RAB3C: variants seen among roughly 807,000 people sequenced by gnomAD.
RAB3C encodes ras-related protein Rab-3C.
In RAB3C, 17 loss-of-function variants were observed where a neutral mutation model predicts 26.4. That is an observed-to-expected ratio of 0.64 (90% CI 0.44 to 0.97). The LOEUF (loss-of-function observed/expected upper bound fraction) is 0.97. Among genes scored for constraint, RAB3C ranks in the 50% least tolerant of loss-of-function variants. The probability of loss-of-function intolerance (pLI) is 0.00; values close to 1 mark genes in which losing one functional copy is unlikely to be tolerated. For synonymous variants in RAB3C, 91 were observed against 95.9 expected (o/e 0.95, Z 0.30); for missense variants, 242 against 281.9 (o/e 0.86, Z 1.01).
rs1016185549 is a variant in RAB3C at position 58,824,338 on chromosome 5, G to T, written c.372-700G>T. Among the ~76,000 whole-genome samples, 7 of 111,306 alleles carry T rather than the reference G, an allele frequency of 6.3e-5. No individual in the cohort carries two copies. In the East Asian group the frequency reaches 1.4e-3, roughly 23 times the overall value. The allele number at this position is 111,306 out of a possible 152,430, so 73.0% of individuals were successfully genotyped here. ...TATTATCTAAGTTCCAAAATCAAAAGTTGGTTAATTTGTGTCATGAATCAT... is the reference window on the plus strand; with the variant it reads ...TATTATCTAAGTTCCAAAATCAAAATTTGGTTAATTTGTGTCATGAATCAT... On this transcript the variant is annotated intron_variant, in intron 3 of 4. Transcript: ENST00000282878.
chr5:58,660,394 C>T (rs1227543017), intron 2 of RAB3C, among the ~76,000 whole-genome samples: 1 of 149,988 alleles, frequency 6.7e-6, no homozygotes, highest in African/African-American at 2.5e-5. Flanking sequence ...TTCTTCTTCC[C>T]ATTCACTCCC....
intron 4 of RAB3C, among the ~76,000 whole-genome samples, chr5:58,842,241 C>T (rs1743891515): frequency 6.6e-6 from 1 of 152,190 alleles, no homozygotes; most frequent in South Asian, 2.1e-4. Flanking sequence ...ATTTGGAAGA[C>T]ACTCTAGTCC....
rs1394568647 is a variant in RAB3C at position 58,631,592 on chromosome 5, TGACTCA to T, written c.252+13729_252+13734del. Among the ~76,000 whole-genome samples, 12 of 152,348 alleles carry T rather than the reference TGACTCA, an allele frequency of 7.9e-5. 1 individual carries two copies. The Middle Eastern group carries it at 0.024, about 302-fold the overall frequency. The stretch of plus-strand genomic sequence containing the variant: ...CAGATTAGAGTCCCTGTGTGAAGGC[TGACTCA>T]GACTCACAAGGCATATTATTGACAC... On this transcript the variant is annotated intron_variant, in intron 2 of 4. Transcript: ENST00000282878.
chr5:58,809,384 A>AG (rs1743017601), intron 3 of RAB3C, among the ~76,000 whole-genome samples: 2 of 95,300 alleles, frequency 2.1e-5, no homozygotes, highest in East Asian at 5.7e-4. Context: ...TCTTTTTCTC[A>AG]GAAAAAAAAA....
chr5:58,728,794 C>T (rs1234246034), intron 3 of RAB3C, among the ~76,000 whole-genome samples: 2 of 152,002 alleles, frequency 1.3e-5, no homozygotes, highest in Non-Finnish European at 2.9e-5. Context: ...AATCCAAACT[C>T]ACTAACATAG....
At chr5:58,672,978 T>C (rs1317732968) in intron 2 of RAB3C, among the ~76,000 whole-genome samples, 3 of 152,220 alleles carry the variant, frequency 2.0e-5, no homozygotes, top group Admixed American at 6.5e-5. Flanking sequence ...CTTTTCTCTC[T>C]AAGGATATTC....
chr5:58,793,962 G>A (rs76520182), intron 3 of RAB3C, among the ~76,000 whole-genome samples: 7,017 of 152,136 alleles, frequency 0.046, 222 homozygotes, highest in African/African-American at 0.082. Context: ...GAATTTAATT[G>A]TTAGGAGAAT....
chr5:58,679,553 A>C (rs1283878821), intron 2 of RAB3C, among the ~76,000 whole-genome samples: 3 of 152,166 alleles, frequency 2.0e-5, no homozygotes, highest in Non-Finnish European at 4.4e-5. Context: ...GTTTTTCCAC[A>C]TGGAATGATA....
Position 58,587,043 on chromosome 5 carries a change from T to C in RAB3C, c.24+3811T>C, listed in dbSNP as rs546734887. 3.9e-5 allele frequency among the ~76,000 whole-genome samples: 6 copies of C among 152,232 alleles called. No homozygotes were observed. In the East Asian group the frequency reaches 1.2e-3, roughly 29 times the overall value. On this transcript the variant is annotated intron_variant, in intron 1 of 4. Coordinates refer to ENST00000282878, the MANE Select transcript of RAB3C (RefSeq NM_138453.4). ...AGAAACAGAAAATCCCTAATTGACT[T>C]TAGAGAAATGAGAAATTCTTCCTTA...
intron 3 of RAB3C, among the ~76,000 whole-genome samples, chr5:58,798,206 A>G (rs1053485304): frequency 3.9e-5 from 6 of 152,184 alleles, no homozygotes; most frequent in African/African-American, 1.4e-4. Context: ...GAGGTCATCA[A>G]TGGATGCTAA....
chr5:58,834,652 C>T (rs919271169), intron 4 of RAB3C, among the ~76,000 whole-genome samples: 2 of 152,230 alleles, frequency 1.3e-5, no homozygotes, highest in Admixed American at 1.3e-4. Context: ...TATCTGCACA[C>T]ACCTCTGAGG....
chr5:58,813,210 C>G (rs368664081), intron 3 of RAB3C, among the ~76,000 whole-genome samples: 1 of 152,122 alleles, frequency 6.6e-6, no homozygotes, highest in South Asian at 2.1e-4. Flanking sequence ...AGGGCTGGCA[C>G]AAAGATTTCT....
At chr5:58,674,721 T>G (rs1297601028) in intron 2 of RAB3C, among the ~76,000 whole-genome samples, 1 of 152,204 alleles carries the variant, frequency 6.6e-6, no homozygotes, top group Non-Finnish European at 1.5e-5. Flanking sequence ...TTTAAGTGCA[T>G]AGAGGTCTTT....
intron 3 of RAB3C, among the ~76,000 whole-genome samples, chr5:58,819,016 T>C (rs1420417876): frequency 1.3e-5 from 2 of 152,154 alleles, no homozygotes; most frequent in Non-Finnish European, 2.9e-5. Flanking sequence ...TGAGACTCTT[T>C]AATGAAAAAA....
At chr5:58,703,971 G>T (rs907082020) in intron 2 of RAB3C, among the ~76,000 whole-genome samples, 2 of 152,096 alleles carry the variant, frequency 1.3e-5, no homozygotes, top group Admixed American at 6.6e-5. Context: ...TCACATCTTT[G>T]TGCAAATGAG....
chr5:58,720,417 G>A (rs917319953), intron 2 of RAB3C, among the ~76,000 whole-genome samples: 1 of 151,846 alleles, frequency 6.6e-6, no homozygotes, highest in Non-Finnish European at 1.5e-5. Context: ...AAAATATACT[G>A]AGCATAATTT....
intron 1 of RAB3C, among the ~76,000 whole-genome samples, chr5:58,595,547 C>A (rs1293111925): frequency 6.6e-6 from 1 of 152,092 alleles, no homozygotes; most frequent in African/African-American, 2.4e-5. Flanking sequence ...TGTGTCCTGG[C>A]TTCCATATGA....
intron 3 of RAB3C, among the ~76,000 whole-genome samples, chr5:58,797,622 C>T (rs753477603): frequency 2.2e-4 from 33 of 151,856 alleles, no homozygotes; most frequent in Non-Finnish European, 4.3e-4. Context: ...GAGCCTATAG[C>T]AGGGACCAGC....
At chr5:58,767,683 A>T (rs1299361831) in intron 3 of RAB3C, among the ~76,000 whole-genome samples, 1 of 152,172 alleles carries the variant, frequency 6.6e-6, no homozygotes, top group Non-Finnish European at 1.5e-5. Context: ...AGCATTCGTT[A>T]GGTACTCAGT....
Sources: gnomAD v4.1 joint callset for allele counts (sites outside exome capture counted in the v4.1 genomes callset) on GRCh38, gnomAD v4.1.1 for gene constraint, MANE v1.5 for transcripts, NCBI Gene and HGNC (gene_info 2026-07-23, HGNC 2026-07-21) for gene names.